The following A4GALT variants were observed in gnomAD, a reference collection of about 807,000 sequenced individuals.
The protein encoded by A4GALT is lactosylceramide 4-alpha-galactosyltransferase.
For missense variants in A4GALT, 512 were observed against 486.0 expected (o/e 1.05, Z -0.50); for synonymous variants, 257 against 220.7 (o/e 1.16, Z -1.46).
Position 42,693,250 on chromosome 22 carries a change from C to T in A4GALT, c.702G>A (p.Met234Ile), listed in dbSNP as rs1415164009. The change falls in exon 3 of 3, where the codon ATG becomes ATA. Residue 234 changes from methionine to isoleucine, a missense_variant. By Grantham distance (10) the Met-to-Ile change is conservative (BLOSUM62 1). Transcript: ENST00000642412. ...ERRHEFMALC[M>I]RDFVDHYNGW... ...CGTTGTAGTGGTCCACGAAGTCCCGCATGCACAGCGCCATGAACTCGTGCC... is the reference window on the plus strand; with the variant it reads ...CGTTGTAGTGGTCCACGAAGTCCCGTATGCACAGCGCCATGAACTCGTGCC... 5 of 1,612,362 alleles carry T rather than the reference C, an allele frequency of 3.1e-6. No homozygotes were observed. In the South Asian group the frequency reaches 5.5e-5, roughly 18 times the overall value.
intron 1 of A4GALT, among the ~76,000 whole-genome samples, chr22:42,711,560 C>T (rs1921696042): frequency 6.6e-6 from 1 of 152,208 alleles, no homozygotes; most frequent in African/African-American, 2.4e-5. Flanking sequence ...GCTGTTTTTA[C>T]TCAGTCATCT....
At chr22:42,694,366 G>T (rs1474057849) in intron 2 of A4GALT, among the ~76,000 whole-genome samples, 2 of 152,270 alleles carry the variant, frequency 1.3e-5, no homozygotes, top group Non-Finnish European at 2.9e-5. Flanking sequence ...GCTCTGTGAG[G>T]ATTGGCAGCC....
chr22:42,716,798 G>C (rs1004713814), intron 1 of A4GALT, among the ~76,000 whole-genome samples: 1 of 152,190 alleles, frequency 6.6e-6, no homozygotes, highest in African/African-American at 2.4e-5. Context: ...TTAATGGGTA[G>C]AGGCCTACCC....
chr22:42,718,608 G>A (rs1441413726), intron 1 of A4GALT: 1 of 152,222 alleles, frequency 6.6e-6, no homozygotes, highest in Non-Finnish European at 1.5e-5. Context: ...AAAGGCAAAT[G>A]TTAACAATAG....
intron 1 of A4GALT, among the ~76,000 whole-genome samples, chr22:42,705,391 G>A (rs8141448): frequency 0.75 from 112,767 of 151,300 alleles, 42,687 homozygotes; most frequent in African/African-American, 0.88. Context: ...ACTTGAGGTC[G>A]GGAGTTCGAG....
intron 1 of A4GALT, among the ~76,000 whole-genome samples, chr22:42,699,848 A>G (rs1931181931): frequency 6.6e-6 from 1 of 152,162 alleles, no homozygotes; most frequent in Non-Finnish European, 1.5e-5. Flanking sequence ...TACCATTCGA[A>G]TGGCAGACTC....
Position 42,693,441 on chromosome 22 carries a change from G to T in A4GALT, c.511C>A (p.Leu171Met), listed in dbSNP as rs767153887. 2 of 1,613,322 alleles carry T rather than the reference G, an allele frequency of 1.2e-6. No individual in the cohort carries two copies. The highest frequency in any genetic ancestry group is 2.2e-5 in the South Asian group (2 of 91,088). ...CTGGAGGCGTCGGAGAGCACGGGCAGCAGGTAGGGCTCCCAGCGCCCCTGC... is the reference window on the plus strand; with the variant it reads ...CTGGAGGCGTCGGAGAGCACGGGCATCAGGTAGGGCTCCCAGCGCCCCTGC... ...AVQGRWEPYL[L>M]PVLSDASRIA... The change falls in exon 3 of 3, where the codon CTG (leucine) becomes ATG (methionine). Residue 171 changes from leucine (L) to methionine (M), a missense_variant. Physicochemically the swap from Leu to Met is conservative, Grantham distance 15. Transcript: ENST00000642412.
At chr22:42,699,241 G>A (rs1283425438) in intron 1 of A4GALT, among the ~76,000 whole-genome samples, 3 of 151,978 alleles carry the variant, frequency 2.0e-5, no homozygotes, top group Non-Finnish European at 2.9e-5. Context: ...GTGCCACCAT[G>A]CCCGGCTGAT....
In A4GALT at chr22:42,720,625, C is replaced by T. The variant is rs1922639008; in HGVS notation, c.-188+172G>A. ...GGAGGCGGTGGCCGGGACCGCCGCG[C>T]GGGGTTCGTGCGCGCACAAATGTCG... On this transcript the variant is annotated intron_variant, in intron 1 of 2. Coordinates refer to ENST00000642412, the MANE Select transcript of A4GALT (RefSeq NM_017436.7). Among the ~76,000 whole-genome samples, 3 of 152,030 alleles carry T rather than the reference C, an allele frequency of 2.0e-5. No homozygotes were observed. In the South Asian group the frequency reaches 6.2e-4, roughly 31 times the overall value.
chr22:42,707,519 T>C (rs1309479611), intron 1 of A4GALT, among the ~76,000 whole-genome samples: 3 of 152,018 alleles, frequency 2.0e-5, no homozygotes, highest in African/African-American at 4.8e-5. Context: ...TAGCCAGGCA[T>C]GGTGGCACAT....
At chr22:42,697,395 G>C (rs946591233) in intron 1 of A4GALT, among the ~76,000 whole-genome samples, 4 of 152,120 alleles carry the variant, frequency 2.6e-5, no homozygotes, top group African/African-American at 4.8e-5. Context: ...TTCTTCTGCA[G>C]GGAGAGGGGC....
At position 42,693,086 on chromosome 22, in the gene A4GALT, C is replaced by G; in HGVS notation, c.866G>C (p.Trp289Ser). Residue 289 changes from tryptophan (W) to serine (S), a missense_variant, in exon 3 of 3, where the codon TGG becomes TCG. By Grantham distance (177) the Trp-to-Ser change is radical. Coordinates refer to ENST00000642412, the MANE Select transcript of A4GALT (RefSeq NM_017436.7). ...CTCAAAGTACTTCTTCCAGTCCTGCCAGGGGATGGGGTAGAAGGCCTCAGG... is the reference window on the plus strand; with the variant it reads ...CTCAAAGTACTTCTTCCAGTCCTGCGAGGGGATGGGGTAGAAGGCCTCAGG... ...LPPEAFYPIP[W>S]QDWKKYFEDI... 6.2e-7 allele frequency: 1 copy of G among 1,612,140 alleles called. No individual in the cohort carries two copies. The highest frequency in any genetic ancestry group is 8.5e-7 in the Non-Finnish European group (1 of 1,178,878).
At chr22:42,704,089 C>T (rs969326607) in intron 1 of A4GALT, among the ~76,000 whole-genome samples, 4 of 152,126 alleles carry the variant, frequency 2.6e-5, no homozygotes, top group African/African-American at 9.7e-5. Context: ...GTCCTGTTCC[C>T]CATCCCTAGC....
intron 1 of A4GALT, among the ~76,000 whole-genome samples, chr22:42,695,855 G>C (rs568289331): frequency 6.6e-6 from 1 of 152,130 alleles, no homozygotes; most frequent in Non-Finnish European, 1.5e-5. Context: ...TCTCAGTCTG[G>C]TGGGGGCATC....
chr22:42,695,819 C>T (rs888608416), intron 1 of A4GALT, among the ~76,000 whole-genome samples, 188 bp from the exon 2 acceptor site: 6 of 152,118 alleles, frequency 3.9e-5, no homozygotes, highest in African/African-American at 1.2e-4. Flanking sequence ...AGGGGAGAAT[C>T]AGACACAGCC....
chr22:42,708,554 G>GAAGGAAGA (rs1921371587), intron 1 of A4GALT, among the ~76,000 whole-genome samples: 1 of 148,928 alleles, frequency 6.7e-6, no homozygotes. Context: ...GAGAAGGAAG[G>GAAGGAAGA]AAGGAAGGAA....
At chr22:42,717,275 C>T (rs777366572) in intron 1 of A4GALT, among the ~76,000 whole-genome samples, 19 of 152,134 alleles carry the variant, frequency 1.2e-4, no homozygotes, top group Non-Finnish European at 1.5e-4. Context: ...TTCCCAAGGG[C>T]TTGTGGTTGG....
Position 42,697,374 on chromosome 22 carries a change from T to C in A4GALT, c.-187-1743A>G, listed in dbSNP as rs187625237. On this transcript the variant is annotated intron_variant, in intron 1 of 2. Transcript: ENST00000642412. ...GTGTGAACCAAGACATGGTGCCCCC[T>C]GCCCCTGTCTTTCTTCTGCAGGGAG... Among the ~76,000 whole-genome samples, 478 of 152,234 alleles carry C rather than the reference T, an allele frequency of 3.1e-3. 5 individuals carry two copies. The highest frequency in any genetic ancestry group is 0.011 in the African/African-American group (453 of 41,548).
At chr22:42,712,431 C>T (rs1921777344) in intron 1 of A4GALT, among the ~76,000 whole-genome samples, 1 of 152,200 alleles carries the variant, frequency 6.6e-6, no homozygotes, top group African/African-American at 2.4e-5. Context: ...CGCAGAGATC[C>T]CAGAGATGCA....
Sources: allele counts gnomAD v4.1 joint callset (sites outside exome capture counted in the v4.1 genomes callset), GRCh38; gene constraint gnomAD v4.1.1; transcripts MANE v1.5; gene names NCBI Gene and HGNC (gene_info 2026-07-23, HGNC 2026-07-21).